DYNC1I2: variants seen among roughly 807,000 people sequenced by gnomAD.
The protein encoded by DYNC1I2 is dynein cytoplasmic 1 intermediate chain 2.
DYNC1I2 carries 53 observed loss-of-function variants against 88.6 expected under a neutral mutation model. That is an observed-to-expected ratio of 0.60 (90% CI 0.48 to 0.75). DYNC1I2 has a LOEUF of 0.75. Ranked by LOEUF, DYNC1I2 falls within the 30% of genes least tolerant of loss-of-function variation. DYNC1I2 has a pLI of 0.00. For missense variants in DYNC1I2, 458 were observed against 766.6 expected, an observed-to-expected ratio of 0.60 and a Z score of 4.75; for synonymous variants, 198 against 254.6, an observed-to-expected ratio of 0.78 and a Z score of 2.12.
At chr2:171,693,420 G>T (rs1685536073) in intron 3 of DYNC1I2, among the ~76,000 whole-genome samples, 1 of 152,142 alleles carries the variant, frequency 6.6e-6, no homozygotes, top group African/African-American at 2.4e-5. Context: ...ATTTTTCTGG[G>T]TTATTCATTT....
chr2:171,734,317 T>C (rs756606594), intron 15 of DYNC1I2, among the ~76,000 whole-genome samples: 3 of 152,216 alleles, frequency 2.0e-5, no homozygotes, highest in African/African-American at 7.2e-5. Context: ...ACAGAACTTA[T>C]CTTGTGATAG....
chr2:171,692,158 G>GGTTTATCTAGTTTATCTAGTTTATCTA (rs1266261342), intron 2 of DYNC1I2, among the ~76,000 whole-genome samples: 3 of 152,038 alleles, frequency 2.0e-5, no homozygotes, highest in African/African-American at 7.2e-5. Context: ...AGAGTATTGA[G>GGTTTATCTAGTTTATCTAGTTTATCTA]GTTTATCTAG....
At chr2:171,696,020 A>T (rs372134993) in intron 3 of DYNC1I2, among the ~76,000 whole-genome samples, 147 of 152,280 alleles carry the variant, frequency 9.7e-4, no homozygotes, top group South Asian at 2.1e-3. Flanking sequence ...CTGCATATTC[A>T]TGTCCTTCTC....
intron 3 of DYNC1I2, among the ~76,000 whole-genome samples, chr2:171,704,670 T>C (rs1686538969): frequency 6.6e-6 from 1 of 152,176 alleles, no homozygotes; most frequent in Non-Finnish European, 1.5e-5. Flanking sequence ...TTTTCTTACA[T>C]TTGAGAACCT....
chr2:171,698,421 G>T (rs1004568634), intron 3 of DYNC1I2, among the ~76,000 whole-genome samples: 1 of 151,874 alleles, frequency 6.6e-6, no homozygotes, highest in African/African-American at 2.4e-5. Context: ...GTTTCACTTT[G>T]TCACCCATTT....
chr2:171,747,208 TA>T (rs1409044884), intron 17 of DYNC1I2, among the ~76,000 whole-genome samples: 61 of 14,290 alleles, frequency 4.3e-3, no homozygotes, highest in Middle Eastern at 0.023. Context: ...AAAAAAAAAT[TA>T]TATATATATA....
intron 15 of DYNC1I2, among the ~76,000 whole-genome samples, chr2:171,739,696 C>CTCTCTCTTT (rs1689267774): frequency 1.5e-5 from 1 of 65,038 alleles, no homozygotes; most frequent in African/African-American, 5.7e-5. Context: ...TGACATATCT[C>CTCTCTCTTT]TTTTTTTTTT....
chr2:171,706,434 A>G (rs1293938242), intron 3 of DYNC1I2, 113 bp from the exon 4 acceptor site: 3 of 832,848 alleles, frequency 3.6e-6, no homozygotes, highest in Non-Finnish European at 6.0e-6. Flanking sequence ...AAAGTTGAGG[A>G]TCTAGGGGAA....
At chr2:171,737,618 A>G (rs1306934394) in intron 15 of DYNC1I2, among the ~76,000 whole-genome samples, 1 of 152,146 alleles carries the variant, frequency 6.6e-6, no homozygotes, top group Non-Finnish European at 1.5e-5. Flanking sequence ...GGGTTTCACC[A>G]TGCTTGGCCA....
intron 7 of DYNC1I2, among the ~76,000 whole-genome samples, chr2:171,715,962 T>A (rs1198837501): frequency 6.6e-6 from 1 of 152,180 alleles, no homozygotes; most frequent in African/African-American, 2.4e-5. Context: ...AGCCTGTAAT[T>A]TGTGTATAGT....
At chr2:171,718,646 G>GGATTTCACC (rs1429261888) in intron 7 of DYNC1I2, among the ~76,000 whole-genome samples, 1 of 151,408 alleles carries the variant, frequency 6.6e-6, no homozygotes, top group Non-Finnish European at 1.5e-5. Flanking sequence ...TGTTAGCCAG[G>GGATTTCACC]ATGGTCTCGA....
chr2:171,735,463 C>T (rs952286137), intron 15 of DYNC1I2, among the ~76,000 whole-genome samples: 1 of 152,164 alleles, frequency 6.6e-6, no homozygotes, highest in Non-Finnish European at 1.5e-5. Context: ...ATATTAGGAA[C>T]GCTCAACCAT....
chr2:171,707,797 T>A (rs1559374565), intron 5 of DYNC1I2, among the ~76,000 whole-genome samples: 1 of 152,164 alleles, frequency 6.6e-6, no homozygotes, highest in South Asian at 2.1e-4. Flanking sequence ...TTCAATTCTG[T>A]TCTATTAAGT....
At chr2:171,693,309 G>A (rs892163421) in intron 3 of DYNC1I2, among the ~76,000 whole-genome samples, 1 of 152,148 alleles carries the variant, frequency 6.6e-6, no homozygotes, top group Non-Finnish European at 1.5e-5. Flanking sequence ...GTATTCAAAG[G>A]TACAGGAGTG....
intron 7 of DYNC1I2, among the ~76,000 whole-genome samples, chr2:171,724,400 C>A (rs1035148806): frequency 2.0e-5 from 3 of 152,088 alleles, no homozygotes; most frequent in African/African-American, 7.2e-5. Flanking sequence ...ATTGCACAGG[C>A]CTGCCATTGG....
rs868131752 is a variant in DYNC1I2, at chr2:171,710,120, T to C, written c.336-2647T>C. On this transcript the variant is annotated intron_variant, in intron 5 of 17. Transcript: ENST00000397119. ...CTGAGTATATTCATTTTTATGTATATATACACACACACACACACACACACA... is the reference window on the plus strand; with the variant it reads ...CTGAGTATATTCATTTTTATGTATACATACACACACACACACACACACACA... 2.7e-3 allele frequency among the ~76,000 whole-genome samples: 257 copies of C among 95,762 alleles called. 2 individuals carry two copies. Among genetic ancestry groups the C allele is most frequent in the Middle Eastern group, 5.1e-3 (1 of 196 alleles). The allele number at this position is 95,762 out of a possible 152,430, so 62.8% of individuals were successfully genotyped here. A position where few individuals can be genotyped will look rare whatever the true frequency, so the allele number is the denominator to read the frequency against.
intron 6 of DYNC1I2, 113 bp downstream of exon 6, chr2:171,712,939 A>G (rs1687224068): frequency 1.1e-6 from 1 of 885,312 alleles, no homozygotes; most frequent in Admixed American, 2.2e-5. Flanking sequence ...AGTAAGGACA[A>G]GAGTTATATT....
chr2:171,725,852 C>T, intron 8 of DYNC1I2, 67 bp from the exon 9 acceptor site: 6 of 1,410,620 alleles, frequency 4.3e-6, no homozygotes, highest in Non-Finnish European at 4.8e-6. Flanking sequence ...TTGATCCATA[C>T]TGTGATAGTG....
chr2:171,727,685 A>C (rs935722120), intron 11 of DYNC1I2, 136 bp from the exon 12 acceptor site: 2 of 643,678 alleles, frequency 3.1e-6, no homozygotes, highest in Non-Finnish European at 4.7e-6. Flanking sequence ...ACTTTTAATT[A>C]ATTTACTTAG....
Sources: gnomAD v4.1 joint callset for allele counts (sites outside exome capture counted in the v4.1 genomes callset) on GRCh38, gnomAD v4.1.1 for gene constraint, MANE v1.5 for transcripts, NCBI Gene and HGNC (gene_info 2026-07-23, HGNC 2026-07-21) for gene names.